The following LRPPRC variants were observed in gnomAD, a reference collection of about 807,000 sequenced individuals.
LRPPRC encodes leucine rich pentatricopeptide repeat containing.
LRPPRC carries 120 observed loss-of-function variants against 180.3 expected under a neutral mutation model. The ratio of observed to expected loss-of-function variants is 0.67; its 90% confidence interval spans 0.57 to 0.77. The LOEUF (loss-of-function observed/expected upper bound fraction) is 0.77, where lower values mean the gene tolerates loss of function less well. Among genes scored for constraint, LRPPRC ranks in the 30% least tolerant of loss-of-function variants. LRPPRC has a pLI of 0.00. For missense variants in LRPPRC, 2,012 were observed against 1,657.2 expected (o/e 1.21, Z -3.72); for synonymous variants, 723 against 600.0 (o/e 1.21, Z -3.00).
intron 12 of LRPPRC, among the ~76,000 whole-genome samples, chr2:43,961,328 T>C (rs1673338206): frequency 6.6e-6 from 1 of 152,172 alleles, no homozygotes; most frequent in Non-Finnish European, 1.5e-5. Context: ...AGTTTGAAAG[T>C]AATGAAGGCA....
At chr2:43,931,441 G>C (rs1245948800) in intron 25 of LRPPRC, among the ~76,000 whole-genome samples, 1 of 152,148 alleles carries the variant, frequency 6.6e-6, no homozygotes, top group East Asian at 1.9e-4. Context: ...CATTTTATTA[G>C]TGTTATCTAA....
intron 29 of LRPPRC, among the ~76,000 whole-genome samples, chr2:43,917,819 A>G (rs1671529117): frequency 6.6e-6 from 1 of 152,104 alleles, no homozygotes; most frequent in African/African-American, 2.4e-5. Flanking sequence ...TAATTCCTTA[A>G]TATTATCTAC....
intron 36 of LRPPRC, among the ~76,000 whole-genome samples, chr2:43,891,060 G>A (rs1213033197): frequency 3.9e-5 from 6 of 152,232 alleles, no homozygotes; most frequent in South Asian, 2.1e-4. Flanking sequence ...AAAGTGGAAT[G>A]AGGGTGACTC....
chr2:43,889,131 A>G (rs754823309), intron 37 of LRPPRC, among the ~76,000 whole-genome samples: 9 of 152,116 alleles, frequency 5.9e-5, no homozygotes, highest in Non-Finnish European at 8.8e-5. Context: ...CGTGGCCAAC[A>G]TGGTGAAACC....
chr2:43,995,552 G>A (rs1051143932), intron 1 of LRPPRC, among the ~76,000 whole-genome samples: 6 of 152,220 alleles, frequency 3.9e-5, no homozygotes, highest in African/African-American at 1.4e-4. Context: ...TAAGGTCCAG[G>A]CTGAAGTGGC....
chr2:43,900,292 G>A (rs1161690259), intron 32 of LRPPRC, among the ~76,000 whole-genome samples: 1 of 151,638 alleles, frequency 6.6e-6, no homozygotes, highest in Non-Finnish European at 1.5e-5. Flanking sequence ...TTTGGTTAAG[G>A]TAATCTATAA....
intron 30 of LRPPRC, among the ~76,000 whole-genome samples, chr2:43,906,312 A>C (rs1671065591): frequency 6.6e-6 from 1 of 152,230 alleles, no homozygotes; most frequent in African/African-American, 2.4e-5. Context: ...AGCTGAACAT[A>C]CTGCAGAACT....
At chr2:43,963,163 G>GGCCAGGC in intron 12 of LRPPRC, among the ~76,000 whole-genome samples, 1 of 152,222 alleles carries the variant, frequency 6.6e-6, no homozygotes, top group East Asian at 1.9e-4. Context: ...TTGTATACAG[G>GGCCAGGC]GCCAGGCGCG....
intron 30 of LRPPRC, among the ~76,000 whole-genome samples, chr2:43,908,666 C>A (rs1449984769): frequency 6.6e-6 from 1 of 151,832 alleles, no homozygotes; most frequent in Non-Finnish European, 1.5e-5. Flanking sequence ...GAATTACATA[C>A]AGGCACGCAC....
intron 28 of LRPPRC, 58 bp downstream of exon 28, chr2:43,918,198 T>C: frequency 1.3e-6 from 2 of 1,589,122 alleles, no homozygotes; most frequent in African/African-American, 1.3e-5. Context: ...AGTAGGCTAA[T>C]CTATAACCTA....
chr2:43,994,824 C>G (rs1275251622), intron 1 of LRPPRC, among the ~76,000 whole-genome samples: 1 of 152,234 alleles, frequency 6.6e-6, no homozygotes, highest in Non-Finnish European at 1.5e-5. Context: ...TATACCAAAC[C>G]TATCTCTGAT....
chr2:43,958,991 T>A (rs973199723), intron 13 of LRPPRC: 2 of 483,872 alleles, frequency 4.1e-6, no homozygotes, highest in Admixed American at 3.7e-5. Context: ...CAGAATATTG[T>A]CAAGTTTTTA....
intron 25 of LRPPRC, among the ~76,000 whole-genome samples, chr2:43,930,911 T>C (rs1286373874): frequency 6.6e-6 from 1 of 152,192 alleles, no homozygotes; most frequent in African/African-American, 2.4e-5. Flanking sequence ...TTCCTTCTTT[T>C]AGTCTATGAC....
At chr2:43,986,474 A>G (rs1375017268) in intron 1 of LRPPRC, among the ~76,000 whole-genome samples, 1 of 152,034 alleles carries the variant, frequency 6.6e-6, no homozygotes, top group African/African-American at 2.4e-5. Context: ...TTTCTTCTTC[A>G]CTGATATTAT....
chr2:43,961,367 A>G (rs1028175232), intron 12 of LRPPRC, among the ~76,000 whole-genome samples: 1 of 152,218 alleles, frequency 6.6e-6, no homozygotes, highest in Non-Finnish European at 1.5e-5. Flanking sequence ...AAAGGAAAAT[A>G]AGAATGTTCT....
intron 29 of LRPPRC, among the ~76,000 whole-genome samples, chr2:43,914,844 C>G (rs1004508767): frequency 2.0e-5 from 3 of 152,046 alleles, no homozygotes; most frequent in African/African-American, 7.2e-5. Context: ...AATTATTTAA[C>G]TACTTAAATG....
chr2:43,894,397 TATC>T (rs947798405), intron 36 of LRPPRC, 145 bp downstream of exon 36: 50 of 588,828 alleles, frequency 8.5e-5, no homozygotes, highest in South Asian at 4.4e-5. Context: ...GAGTTATTTA[TATC>T]ATAATTATCT....
chr2:43,894,605 C>T lies in LRPPRC; in HGVS notation c.3925G>A (p.Glu1309Lys). Residue 1309 changes from glutamate (E) to lysine (K), a missense_variant, in exon 36 of 38, where the codon GAA becomes AAA. By Grantham distance (56) the Glu-to-Lys change is moderately conservative (BLOSUM62 1). Transcript: ENST00000260665. ...GKASTVKSVL[E>K]LIPELNEKEE... ...TTTTCATTTAATTCAGGAATCAATT[C>T]TAACACAGATTTCACAGTTGATGCC... The T allele has an allele frequency of 6.3e-7, 1 of 1,580,176 alleles. No individual in the cohort carries two copies. Among genetic ancestry groups the T allele is most frequent in the Non-Finnish European group, 8.7e-7 (1 of 1,149,454 alleles).
intron 11 of LRPPRC, among the ~76,000 whole-genome samples, chr2:43,972,494 C>G (rs1349045668): frequency 2.6e-5 from 4 of 152,232 alleles, no homozygotes; most frequent in Admixed American, 6.5e-5. Context: ...TAAAGGTGGA[C>G]AATACTAACA....
Sources: allele counts gnomAD v4.1 joint callset (sites outside exome capture counted in the v4.1 genomes callset), GRCh38; gene constraint gnomAD v4.1.1; transcripts MANE v1.5; gene names NCBI Gene and HGNC (gene_info 2026-07-23, HGNC 2026-07-21).